BLACAT1: variants seen among roughly 807,000 people sequenced by gnomAD.
BLACAT1 encodes bladder cancer associated transcript 1.
exon 2 of BLACAT1, chr1:205,440,515 G>A (rs1666274113): frequency 6.6e-6 from 1 of 152,318 alleles, no homozygotes. Context: ...AGAGCAGCCA[G>A]TTTCCCATTT....
At chr1:205,443,940 C>T (rs1452123119) in intron 1 of BLACAT1, among the ~76,000 whole-genome samples, 5 of 152,122 alleles carry the variant, frequency 3.3e-5, no homozygotes, top group African/African-American at 7.2e-5. Context: ...CTGCTTTGCT[C>T]GAGCAGGAGT....
In BLACAT1 at chr1:205,448,448, C is replaced by T. The variant is rs904652120; in HGVS notation, c.-36-7386G>A. ...ATAGGGAAGCGAGAAGCTGGGGCAC[C>T]CGAGAAGCCCTCACTCCCCTTCTCA... is the stretch of plus-strand genomic sequence containing the variant. On this transcript the variant is annotated intron_variant, in intron 1 of 1. Coordinates refer to ENST00000629624, the Ensembl canonical transcript of BLACAT1. The surrounding 1 kb of genome is among the most constrained non-coding windows in gnomAD (Gnocchi z 4.7). 1 of 529,556 alleles carries T rather than the reference C, an allele frequency of 1.9e-6. No individual in the cohort carries two copies. Among genetic ancestry groups the T allele is most frequent in the African/African-American group, 1.9e-5 (1 of 51,778 alleles). The allele number at this position is 529,556 out of a possible 1,614,324, so 32.8% of individuals were successfully genotyped here. A position where few individuals can be genotyped will look rare whatever the true frequency, so the allele number is the denominator to read the frequency against.
downstream of BLACAT1, among the ~76,000 whole-genome samples, chr1:205,438,451 G>A (rs563339475): frequency 3.3e-5 from 5 of 152,356 alleles, no homozygotes; most frequent in African/African-American, 9.6e-5. Flanking sequence ...CAGGGTCTGC[G>A]AATGCTGGGG....
intron 1 of BLACAT1, 62 bp downstream of exon 1, chr1:205,455,855 C>G (rs770292250): frequency 3.9e-5 from 6 of 152,278 alleles, no homozygotes; most frequent in African/African-American, 1.4e-4. Context: ...GGGCCCCCAA[C>G]CCGGCCAAGG....
chr1:205,447,898 G>A (rs1319655489), intron 1 of BLACAT1, among the ~76,000 whole-genome samples: 1 of 152,230 alleles, frequency 6.6e-6, no homozygotes, highest in Non-Finnish European at 1.5e-5. Context: ...GCTGACCTCA[G>A]AGAAAGGAGT....
downstream of BLACAT1, among the ~76,000 whole-genome samples, chr1:205,438,414 C>T (rs1375633577): frequency 6.6e-6 from 1 of 152,226 alleles, no homozygotes; most frequent in Non-Finnish European, 1.5e-5. Context: ...GAGCAGAAGC[C>T]TGGCCCGAAG....
chr1:205,441,814 A>C lies in BLACAT1; in HGVS notation c.-36-752T>G, dbSNP rs1179183452. On this transcript the variant is annotated intron_variant, in intron 1 of 1. Coordinates refer to ENST00000629624, the Ensembl canonical transcript of BLACAT1. This position sits in a 1 kb window ranked among gnomAD's most constrained non-coding sequence, Gnocchi z 4.3. Reference sequence around the variant, plus strand: ...GACATGGTTTCTTCCCTGGCACATAAGTCTGAGGTAGAGGCTGAGGCTGGA... The same window carrying C: ...GACATGGTTTCTTCCCTGGCACATACGTCTGAGGTAGAGGCTGAGGCTGGA... Among the ~76,000 whole-genome samples the C allele has an allele frequency of 6.6e-6, 1 of 152,156 alleles. No individual in the cohort carries two copies. The highest frequency in any genetic ancestry group is 2.4e-5 in the African/African-American group (1 of 41,428).
In BLACAT1 at chr1:205,450,556, T is replaced by C. The variant is rs1026408547; in HGVS notation, c.-37+5361A>G. ...GGACAAGGTCAGCACTTATCTGTCCTTCCATTTCCTTTCTCAGACCTGCTC... is the reference window on the plus strand; with the variant it reads ...GGACAAGGTCAGCACTTATCTGTCCCTCCATTTCCTTTCTCAGACCTGCTC... On this transcript the variant is annotated intron_variant, in intron 1 of 1. Coordinates refer to ENST00000629624, the Ensembl canonical transcript of BLACAT1. The surrounding 1 kb of genome is among the most constrained non-coding windows in gnomAD (Gnocchi z 4.4). 4.6e-5 allele frequency among the ~76,000 whole-genome samples: 7 copies of C among 151,556 alleles called. No homozygotes were observed. The highest frequency in any genetic ancestry group is 1.5e-4 in the African/African-American group (6 of 41,192).
intron 1 of BLACAT1, among the ~76,000 whole-genome samples, chr1:205,445,367 G>A (rs1666370567): frequency 6.6e-6 from 1 of 152,216 alleles, no homozygotes; most frequent in Non-Finnish European, 1.5e-5. Context: ...GTTGGCACCA[G>A]CAAAACTGGG....
rs1398697719 is a variant in BLACAT1, at chr1:205,450,624, G to A, written c.-37+5293C>T. ...CCCACCCTCACCCAGTCCTGCGCTC[G>A]GATTCCCAGCCATAGCCTGCCAATC... On this transcript the variant is annotated intron_variant, in intron 1 of 1. Transcript: ENST00000629624. The surrounding 1 kb of genome is among the most constrained non-coding windows in gnomAD (Gnocchi z 4.4). Among the ~76,000 whole-genome samples the A allele has an allele frequency of 6.6e-6, 1 of 152,066 alleles. No homozygotes were observed. Among genetic ancestry groups the A allele is most frequent in the African/African-American group, 2.4e-5 (1 of 41,386 alleles).
intron 1 of BLACAT1, among the ~76,000 whole-genome samples, chr1:205,453,062 A>C (rs1039194557): frequency 2.6e-5 from 4 of 152,064 alleles, no homozygotes; most frequent in Admixed American, 2.0e-4. Context: ...CAAAGCCTGG[A>C]AATCTAATTC....
chr1:205,454,726 C>A (rs1207030033), intron 1 of BLACAT1, among the ~76,000 whole-genome samples: 6 of 152,116 alleles, frequency 3.9e-5, no homozygotes, highest in Admixed American at 2.0e-4. Flanking sequence ...TCTTAGAGGA[C>A]AATCCCTTTC....
At chr1:205,453,918 A>T (rs754890682) in intron 1 of BLACAT1, among the ~76,000 whole-genome samples, 2 of 152,212 alleles carry the variant, frequency 1.3e-5, no homozygotes, top group Non-Finnish European at 2.9e-5. Flanking sequence ...ATGAATATCG[A>T]AATGTCTCAG....
chr1:205,446,242 G>T (rs567650809), intron 1 of BLACAT1, among the ~76,000 whole-genome samples: 3 of 152,342 alleles, frequency 2.0e-5, no homozygotes, highest in African/African-American at 7.2e-5. Context: ...AAGAGACAAA[G>T]AATAGAATGG....
At chr1:205,449,265 A>C (rs1188269243) in intron 1 of BLACAT1, among the ~76,000 whole-genome samples, 6 of 152,194 alleles carry the variant, frequency 3.9e-5, no homozygotes, top group Admixed American at 2.6e-4. Context: ...TCTAATCACA[A>C]GTGCTATTTC....
chr1:205,443,366 C>T (rs1201223830), intron 1 of BLACAT1, among the ~76,000 whole-genome samples: 2 of 146,060 alleles, frequency 1.4e-5, no homozygotes, highest in East Asian at 4.2e-4. Flanking sequence ...AATATACCCC[C>T]TTAAATGACC....
At chr1:205,452,843 C>G (rs1202395588) in intron 1 of BLACAT1, among the ~76,000 whole-genome samples, 1 of 152,198 alleles carries the variant, frequency 6.6e-6, no homozygotes, top group Non-Finnish European at 1.5e-5. Context: ...AAATCAGAAG[C>G]ATTTCACATT....
rs182384260 is a variant in BLACAT1 at position 205,451,475 on chromosome 1, T to G, written c.-37+4442A>C. ...ACATTCTTGGGCCTCTGATGAGAAG[T>G]GGAGACAGCCACCCGCCCTGCTTGC... On this transcript the variant is annotated intron_variant, in intron 1 of 1. Coordinates refer to ENST00000629624, the Ensembl canonical transcript of BLACAT1. 2.9e-3 allele frequency among the ~76,000 whole-genome samples: 440 copies of G among 152,208 alleles called. 1 individual carries two copies. The highest frequency in any genetic ancestry group is 7.6e-3 in the Admixed American group (117 of 15,298).
At position 205,441,853 on chromosome 1, in the gene BLACAT1, G is replaced by A. The variant is rs1189661260; in HGVS notation, c.-36-791C>T. 2.0e-5 allele frequency among the ~76,000 whole-genome samples: 3 copies of A among 152,192 alleles called. No individual in the cohort carries two copies. The highest frequency in any genetic ancestry group is 4.4e-5 in the Non-Finnish European group (3 of 68,030). Reference sequence around the variant, plus strand: ...GCTGAGGCTGGATCTGCCCCAGCTGGACACGCTGTCCCCCACCTCTGGCTG... The same window carrying A: ...GCTGAGGCTGGATCTGCCCCAGCTGAACACGCTGTCCCCCACCTCTGGCTG... On this transcript the variant is annotated intron_variant, in intron 1 of 1. Coordinates refer to ENST00000629624, the Ensembl canonical transcript of BLACAT1. The surrounding 1 kb of genome is among the most constrained non-coding windows in gnomAD (Gnocchi z 4.3).
Sources: gnomAD v4.1 joint callset for allele counts (sites outside exome capture counted in the v4.1 genomes callset) on GRCh38, gnomAD v4.1.1 for gene constraint, Gnocchi (gnomAD v3.1) non-coding constraint, MANE v1.5 for transcripts, NCBI Gene and HGNC (gene_info 2026-07-23, HGNC 2026-07-21) for gene names.